IRAK2: variants seen among roughly 807,000 people sequenced by gnomAD.
IRAK2 encodes the protein interleukin 1 receptor associated kinase 2, also known as interleukin-1 receptor-associated kinase-like 2.
In IRAK2, 57 loss-of-function variants were observed where a neutral mutation model predicts 72.0. The observed-to-expected ratio is 0.79, with a 90% CI of 0.64 to 0.99. The LOEUF is 0.99. IRAK2 is among the 50% of genes least tolerant of loss of function. The probability of loss-of-function intolerance (pLI) is 0.00; values close to 1 mark genes in which losing one functional copy is unlikely to be tolerated. For missense variants in IRAK2, 790 were observed against 794.4 expected, an observed-to-expected ratio of 0.99 and a Z score of 0.07; for synonymous variants, 293 against 312.7, an observed-to-expected ratio of 0.94 and a Z score of 0.67.
rs757242956 is a variant in IRAK2, at chr3:10,219,782, G to A, written c.1006G>A (p.Val336Ile). 6.3e-5 allele frequency: 101 copies of A among 1,611,332 alleles called. No individual in the cohort carries two copies. The highest frequency in any genetic ancestry group is 8.2e-5 in the Non-Finnish European group (97 of 1,177,692). Reference sequence around the variant, plus strand: ...TGGTCTGGAGATCATCCACAGCAACGTCAAGAGGTGAGAGAGGTGGGCTGG... The same window carrying A: ...TGGTCTGGAGATCATCCACAGCAACATCAAGAGGTGAGAGAGGTGGGCTGG... Reference protein sequence around the residue: ...LHGLEIIHSNVKSSNVLLDQN... With the variant: ...LHGLEIIHSNIKSSNVLLDQN... Residue 336 changes from valine to isoleucine, a missense_variant, in exon 8 of 13, where the codon GTC (valine) becomes ATC (isoleucine). Val to Ile is a conservative substitution (Grantham distance 29). Transcript: ENST00000256458.
chr3:10,200,033 G>A (rs187612426), intron 2 of IRAK2, among the ~76,000 whole-genome samples: 6 of 152,002 alleles, frequency 3.9e-5, no homozygotes, highest in Admixed American at 6.6e-5. Context: ...GACTACAGCC[G>A]TGTGCCACCA....
At chr3:10,190,229 G>T (rs1447416252) in intron 2 of IRAK2, among the ~76,000 whole-genome samples, 1 of 142,662 alleles carries the variant, frequency 7.0e-6, no homozygotes, top group Non-Finnish European at 1.5e-5. Flanking sequence ...TACTTTTCTT[G>T]TAGACTGGGA....
chr3:10,185,672 C>G (rs1697064980), intron 2 of IRAK2, among the ~76,000 whole-genome samples: 1 of 150,248 alleles, frequency 6.7e-6, no homozygotes, highest in South Asian at 2.1e-4. Flanking sequence ...GTCAGGAGTT[C>G]AAGACCAGCC....
rs201789350 is a variant in IRAK2, at chr3:10,216,948, A to G, written c.803A>G (p.Asn268Ser). ...LQICLRCCHP[N>S]VLPVLGFCAA... Reference sequence around the variant, plus strand: ...CCCGATTCCAGATGCTGCCACCCCAATGTCTTACCTGTGCTGGGCTTCTGT... The same window carrying G: ...CCCGATTCCAGATGCTGCCACCCCAGTGTCTTACCTGTGCTGGGCTTCTGT... Residue 268 changes from asparagine (N) to serine (S), a missense_variant, in exon 7 of 13, where the codon AAT (asparagine) becomes AGT (serine). Physicochemically the swap from Asn to Ser is conservative, Grantham distance 46 (BLOSUM62 1). Coordinates refer to ENST00000256458, the MANE Select transcript of IRAK2 (RefSeq NM_001570.4). 135 of 1,613,854 alleles carry G rather than the reference A, an allele frequency of 8.4e-5. No homozygotes were observed. The Middle Eastern group carries it at 1.6e-3, about 20-fold the overall frequency.
chr3:10,207,906 C>A (rs535210978), intron 3 of IRAK2, among the ~76,000 whole-genome samples: 1 of 150,420 alleles, frequency 6.6e-6, no homozygotes, highest in African/African-American at 2.4e-5. Context: ...GCAGGAGAAT[C>A]GCTTGAACCT....
chr3:10,222,981 T>G, intron 9 of IRAK2, 150 bp downstream of exon 9: 1 of 667,296 alleles, frequency 1.5e-6, no homozygotes, highest in Middle Eastern at 4.2e-4. Context: ...CAGGCCACTT[T>G]GGCCTGTGGC....
intron 3 of IRAK2, among the ~76,000 whole-genome samples, chr3:10,207,462 G>T (rs986861057): frequency 1.3e-5 from 2 of 152,116 alleles, no homozygotes; most frequent in East Asian, 3.9e-4. Context: ...TGAAGCCTCT[G>T]GCCTTTGGCC....
rs139663049 is a variant in IRAK2, at chr3:10,235,863, C to A, written c.1473+1204C>A. Among the ~76,000 whole-genome samples, 370 of 152,250 alleles carry A rather than the reference C, an allele frequency of 2.4e-3. 10 individuals carry two copies. The South Asian group carries it at 0.044, about 18-fold the overall frequency. Reference sequence around the variant, plus strand: ...TTATGTCCATCGTCTTGCGCTGTCACGTGGCAGGAGCTGGAGGCTTCAGTC... The same window carrying A: ...TTATGTCCATCGTCTTGCGCTGTCAAGTGGCAGGAGCTGGAGGCTTCAGTC... On this transcript the variant is annotated intron_variant, in intron 11 of 12. Transcript: ENST00000256458.
chr3:10,207,809 A>T (rs1256158802), intron 3 of IRAK2, among the ~76,000 whole-genome samples: 1 of 152,120 alleles, frequency 6.6e-6, no homozygotes, highest in Non-Finnish European at 1.5e-5. Flanking sequence ...CCTGGCCAAC[A>T]TGGTGAAACC....
intron 1 of IRAK2, among the ~76,000 whole-genome samples, chr3:10,166,400 G>A (rs1696689645): frequency 6.6e-6 from 1 of 152,220 alleles, no homozygotes; most frequent in African/African-American, 2.4e-5. Context: ...GAGGGCCATG[G>A]ACTCTGCGGG....
At chr3:10,189,287 G>C (rs892870795) in intron 2 of IRAK2, among the ~76,000 whole-genome samples, 1 of 152,194 alleles carries the variant, frequency 6.6e-6, no homozygotes, top group African/African-American at 2.4e-5. Flanking sequence ...TCTAGCCGGG[G>C]GGAGCAGCAT....
chr3:10,220,651 G>A (rs1048411167), intron 8 of IRAK2, among the ~76,000 whole-genome samples: 1 of 152,082 alleles, frequency 6.6e-6, no homozygotes, highest in African/African-American at 2.4e-5. Context: ...ATGTTGGCCA[G>A]GCTAGTGTCG....
intron 1 of IRAK2, among the ~76,000 whole-genome samples, chr3:10,168,247 G>C (rs530568962): frequency 2.8e-5 from 4 of 145,270 alleles, no homozygotes; most frequent in African/African-American, 7.8e-5. Context: ...GTCTCGCTCT[G>C]TCGCTGAGGC....
intron 1 of IRAK2, among the ~76,000 whole-genome samples, chr3:10,165,668 G>A (rs947713062): frequency 5.2e-5 from 7 of 133,350 alleles, no homozygotes; most frequent in African/African-American, 2.0e-4. Context: ...CTAATTTTTT[G>A]TATTTTCAGT....
intron 4 of IRAK2, among the ~76,000 whole-genome samples, chr3:10,212,056 G>C (rs1021184321): frequency 6.6e-6 from 1 of 150,672 alleles, no homozygotes; most frequent in African/African-American, 2.4e-5. Context: ...CTCCAGCCTG[G>C]GTGACAGTAC....
At chr3:10,220,981 C>CGAAATGTTTTTTAGTGTCTTA (rs1330338611) in intron 8 of IRAK2, among the ~76,000 whole-genome samples, 20 of 152,048 alleles carry the variant, frequency 1.3e-4, no homozygotes, top group African/African-American at 4.8e-4. Flanking sequence ...CATTGTATAC[C>CGAAATGTTTTTTAGTGTCTTA]GTCATGTTTT....
rs78322730 is a variant in IRAK2, at chr3:10,189,969, A to G, written c.278-10400A>G. Among the ~76,000 whole-genome samples, 769 of 152,190 alleles carry G rather than the reference A, an allele frequency of 5.1e-3. 25 individuals carry two copies. The South Asian group carries it at 0.084, about 17-fold the overall frequency. ...CCAGGGGTCAGAGCACCTGGGTTCT[A>G]GTAATAGCTTGTGTTTAGCACCTGA... On this transcript the variant is annotated intron_variant, in intron 2 of 12. Transcript: ENST00000256458.
chr3:10,225,922 A>C (rs1697768470), intron 9 of IRAK2, among the ~76,000 whole-genome samples: 2 of 151,910 alleles, frequency 1.3e-5, no homozygotes, highest in Non-Finnish European at 2.9e-5. Flanking sequence ...GATGGTCTCG[A>C]TCTCCTGACC....
At chr3:10,171,752 G>A (rs1696797087) in intron 1 of IRAK2, among the ~76,000 whole-genome samples, 1 of 147,736 alleles carries the variant, frequency 6.8e-6, no homozygotes, top group Non-Finnish European at 1.5e-5. Context: ...TTACAGGCGT[G>A]AGCCACTGCA....
Sources: gnomAD v4.1 joint callset for allele counts (sites outside exome capture counted in the v4.1 genomes callset) on GRCh38, gnomAD v4.1.1 for gene constraint, MANE v1.5 for transcripts, NCBI Gene and HGNC (gene_info 2026-07-23, HGNC 2026-07-21) for gene names.